RPS6KA2: variants seen among roughly 807,000 people sequenced by gnomAD.
RPS6KA2 encodes ribosomal protein S6 kinase A2, also known as ribosomal protein S6 kinase alpha-2.
Under a neutral mutation model 91.8 loss-of-function variants are expected in RPS6KA2, and 42 were observed. The ratio of observed to expected loss-of-function variants is 0.46; its 90% CI spans 0.36 to 0.59. RPS6KA2 has a LOEUF of 0.59. Among genes scored for constraint, RPS6KA2 ranks in the 20% least tolerant of loss-of-function variants. The pLI, the probability that RPS6KA2 is intolerant of heterozygous loss-of-function variation, is 0.00. For synonymous variants in RPS6KA2, 414 were observed against 393.6 expected (o/e 1.05, Z -0.61); for missense variants, 798 against 978.5 (o/e 0.82, Z 2.46).
chr6:166,475,917 C>A, intron 10 of RPS6KA2: 1 of 464,858 alleles, frequency 2.2e-6, no homozygotes. Context: ...TATGCCATCT[C>A]TTCCAGCTGT....
Position 166,823,012 on chromosome 6 carries a change from T to C in RPS6KA2, c.123+35188A>G, listed in dbSNP as rs192441231. Among the ~76,000 whole-genome samples the C allele has an allele frequency of 3.1e-3, 479 of 152,364 alleles. 2 individuals carry two copies. The highest frequency in any genetic ancestry group is 0.01 in the African/African-American group (427 of 41,592). ...CTCTTTGATCACTCCTAGTGAGTTA[T>C]TGGATCTTGGCAATCACCAAAACTG... is the stretch of plus-strand genomic sequence containing the variant. On this transcript the variant is annotated intron_variant, in intron 2 of 21. Coordinates refer to the RPS6KA2 transcript ENST00000503859.
At chr6:166,481,352 A>C (rs556743536) in intron 10 of RPS6KA2, among the ~76,000 whole-genome samples, 108 of 152,372 alleles carry the variant, frequency 7.1e-4, no homozygotes, top group African/African-American at 2.5e-3. Flanking sequence ...GCTCAGCTCT[A>C]ATTTGTGGCT....
intron 2 of RPS6KA2, among the ~76,000 whole-genome samples, chr6:166,676,065 C>T (rs1283342376): frequency 6.6e-6 from 1 of 152,092 alleles, no homozygotes; most frequent in African/African-American, 2.4e-5. Flanking sequence ...CCTGTCATCC[C>T]AGCACTTTGG....
In RPS6KA2 at chr6:166,508,114, C is replaced by A. The variant is rs187882895; in HGVS notation, c.459+89G>T. The stretch of plus-strand genomic sequence containing the variant: ...ACACACGCACTCTCGCACGTGCTCA[C>A]GTCCTCTCAATGCTCTCCACCCCTC... On this transcript the variant is annotated intron_variant, in intron 5 of 20. Coordinates refer to ENST00000265678, the MANE Select transcript of RPS6KA2 (RefSeq NM_021135.6). This position sits in a 1 kb window ranked among gnomAD's most constrained non-coding sequence, Gnocchi z 4.3. 449 of 807,988 alleles carry A rather than the reference C, an allele frequency of 5.6e-4. 4 individuals are homozygous for A. The African/African-American group carries it at 6.6e-3, about 12-fold the overall frequency. The allele number at this position is 807,988 out of a possible 1,614,324, so 50.1% of individuals were successfully genotyped here. A position where few individuals can be genotyped will look rare whatever the true frequency, so the allele number is the denominator to read the frequency against.
intron 3 of RPS6KA2, among the ~76,000 whole-genome samples, chr6:166,514,882 G>C (rs1313170759): frequency 6.6e-6 from 1 of 152,164 alleles, no homozygotes; most frequent in Non-Finnish European, 1.5e-5. Flanking sequence ...AATTAGCCAG[G>C]AGAGAAGTCA....
chr6:166,669,898 T>C (rs1788423213), intron 2 of RPS6KA2, among the ~76,000 whole-genome samples: 1 of 152,084 alleles, frequency 6.6e-6, no homozygotes, highest in South Asian at 2.1e-4. Flanking sequence ...CCTGCAGGTG[T>C]GATAGCAAGG....
chr6:166,416,026 CCAT>C (rs1377660221), intron 19 of RPS6KA2, among the ~76,000 whole-genome samples: 4 of 145,976 alleles, frequency 2.7e-5, no homozygotes, highest in African/African-American at 1.1e-4. Flanking sequence ...ATTACGCTCA[CCAT>C]CATCTTCACC....
chr6:166,496,483 CCT>C lies in RPS6KA2; in HGVS notation c.747+2023_747+2024del, dbSNP rs775463512. 1.1e-3 allele frequency among the ~76,000 whole-genome samples: 175 copies of C among 152,214 alleles called. No homozygotes were observed. The Middle Eastern group carries it at 0.014, about 12-fold the overall frequency. On this transcript the variant is annotated intron_variant, in intron 8 of 20. Coordinates refer to ENST00000265678, the MANE Select transcript of RPS6KA2 (RefSeq NM_021135.6). ...AGAAGACTATCAAATCTCCCCTCCCCCTGTCCCCCCAGAAACCTCACAAAACT... is the reference window on the plus strand; with the variant it reads ...AGAAGACTATCAAATCTCCCCTCCCCGTCCCCCCAGAAACCTCACAAAACT...
chr6:166,634,911 A>C (rs1249793142), intron 2 of RPS6KA2, among the ~76,000 whole-genome samples: 1 of 152,150 alleles, frequency 6.6e-6, no homozygotes, highest in Non-Finnish European at 1.5e-5. Context: ...GTTCATTTGC[A>C]GATTTTTTTA....
chr6:166,829,414 A>G (rs1583161361), intron 2 of RPS6KA2, among the ~76,000 whole-genome samples: 3 of 151,418 alleles, frequency 2.0e-5, no homozygotes, highest in African/African-American at 7.3e-5. Flanking sequence ...ACACAGAGAA[A>G]CCCCGTCTCT....
intron 2 of RPS6KA2, among the ~76,000 whole-genome samples, chr6:166,534,407 A>G (rs560995480): frequency 6.6e-6 from 1 of 152,278 alleles, no homozygotes; most frequent in East Asian, 1.9e-4. Flanking sequence ...AAAAGGAAGC[A>G]AGGTACATGA....
intron 2 of RPS6KA2, among the ~76,000 whole-genome samples, chr6:166,667,453 T>TA (rs2128559681): frequency 6.6e-6 from 1 of 152,358 alleles, no homozygotes; most frequent in Admixed American, 6.5e-5. Context: ...GCTTGAACCA[T>TA]AAGCTCAAAA....
intron 1 of RPS6KA2, among the ~76,000 whole-genome samples, chr6:166,553,093 G>T (rs112969554): frequency 1.3e-5 from 2 of 152,364 alleles, no homozygotes; most frequent in Admixed American, 6.5e-5. Context: ...GAGGCAGCAT[G>T]TGTCTTAGCC....
chr6:166,860,803 T>C (rs1362302793), intron 1 of RPS6KA2, among the ~76,000 whole-genome samples: 1 of 152,086 alleles, frequency 6.6e-6, no homozygotes, highest in East Asian at 1.9e-4. Flanking sequence ...TTAGAAAAAT[T>C]GAATCTCTCT....
chr6:166,590,046 G>A (rs997278799), intron 1 of RPS6KA2, among the ~76,000 whole-genome samples: 1 of 152,158 alleles, frequency 6.6e-6, no homozygotes, highest in Non-Finnish European at 1.5e-5. Flanking sequence ...GAACTGGGGG[G>A]AATACAGACG....
intron 1 of RPS6KA2, among the ~76,000 whole-genome samples, chr6:166,553,505 G>T (rs1784082808): frequency 6.8e-6 from 1 of 146,132 alleles, no homozygotes; most frequent in Admixed American, 6.7e-5. Flanking sequence ...GAAAGAAACA[G>T]GAGTCATTTA....
At chr6:166,441,854 A>C (rs1049772967) in intron 14 of RPS6KA2, among the ~76,000 whole-genome samples, 14 of 152,246 alleles carry the variant, frequency 9.2e-5, no homozygotes, top group African/African-American at 3.4e-4. Context: ...TGGGGAAGGA[A>C]GCTGGAGCAG....
intron 2 of RPS6KA2, among the ~76,000 whole-genome samples, chr6:166,536,136 A>G (rs974231766): frequency 6.6e-6 from 1 of 152,218 alleles, no homozygotes; most frequent in Non-Finnish European, 1.5e-5. Flanking sequence ...ATAAGAGAGA[A>G]AGAATGGAGT....
At chr6:166,546,618 G>C (rs1325952299) in intron 1 of RPS6KA2, among the ~76,000 whole-genome samples, 2 of 151,794 alleles carry the variant, frequency 1.3e-5, no homozygotes, top group Non-Finnish European at 2.9e-5. Context: ...GTATAACCAA[G>C]AAAACTACAG....
Sources: gnomAD v4.1 joint callset for allele counts (sites outside exome capture counted in the v4.1 genomes callset) on GRCh38, gnomAD v4.1.1 for gene constraint, Gnocchi (gnomAD v3.1) non-coding constraint, MANE v1.5 for transcripts, NCBI Gene and HGNC (gene_info 2026-07-23, HGNC 2026-07-21) for gene names.